PAPPA: variants seen among roughly 807,000 people sequenced by gnomAD.
PAPPA encodes pappalysin-1.
PAPPA carries 60 observed loss-of-function variants against 164.0 expected under a neutral mutation model. The ratio of observed to expected loss-of-function variants is 0.37; its 90% CI spans 0.30 to 0.45. The LOEUF (loss-of-function observed/expected upper bound fraction) is 0.45, where lower values mean the gene tolerates loss of function less well. PAPPA is among the 20% of genes least tolerant of loss of function. The pLI is 1.00. For missense variants in PAPPA, 1,782 were observed against 2,087.3 expected, an observed-to-expected ratio of 0.85 and a Z score of 2.85; for synonymous variants, 875 against 814.1, an observed-to-expected ratio of 1.07 and a Z score of -1.27.
At chr9:116,240,438 T>C (rs1279739047) in intron 7 of PAPPA, among the ~76,000 whole-genome samples, 1 of 152,226 alleles carries the variant, frequency 6.6e-6, no homozygotes, top group Non-Finnish European at 1.5e-5. Flanking sequence ...TAGATTTTTT[T>C]CCTGTTTTTC....
chr9:116,298,769 C>A (rs867017045), intron 9 of PAPPA, among the ~76,000 whole-genome samples: 1 of 152,128 alleles, frequency 6.6e-6, no homozygotes. Context: ...ATGTGTATGT[C>A]TGTGTATAAT....
At chr9:116,211,205 A>G (rs1256127342) in intron 3 of PAPPA, among the ~76,000 whole-genome samples, 1 of 152,222 alleles carries the variant, frequency 6.6e-6, no homozygotes, top group Non-Finnish European at 1.5e-5. Flanking sequence ...GGGAACCAGA[A>G]CCAAGATCTC....
At chr9:116,260,363 G>A (rs141387289) in intron 7 of PAPPA, among the ~76,000 whole-genome samples, 22 of 152,210 alleles carry the variant, frequency 1.4e-4, no homozygotes, top group African/African-American at 5.1e-4. Flanking sequence ...AATAATAATA[G>A]CATGTATAGT....
At chr9:116,211,589 C>T (rs753080013) in intron 3 of PAPPA, 50 bp from the exon 4 acceptor site, 1 of 1,550,362 alleles carries the variant, frequency 6.5e-7, no homozygotes, top group South Asian at 1.1e-5. Flanking sequence ...GTTCTTGCAC[C>T]AAGAAGCAGA....
intron 1 of PAPPA, among the ~76,000 whole-genome samples, chr9:116,172,455 T>C (rs2118592764): frequency 6.6e-6 from 1 of 152,298 alleles, no homozygotes; most frequent in Middle Eastern, 3.4e-3. Flanking sequence ...CTCTATGTAC[T>C]AGACACAGTA....
chr9:116,230,795 C>A (rs80794), intron 6 of PAPPA, among the ~76,000 whole-genome samples: 1 of 151,846 alleles, frequency 6.6e-6, no homozygotes, highest in Non-Finnish European at 1.5e-5. Context: ...AGATATTTGA[C>A]GCCATGTTTT....
intron 2 of PAPPA, among the ~76,000 whole-genome samples, chr9:116,206,061 A>G (rs767242847): frequency 1.3e-5 from 2 of 152,208 alleles, no homozygotes; most frequent in Non-Finnish European, 2.9e-5. Context: ...CCCTGACGAC[A>G]GAGCAGACTG....
chr9:116,293,137 A>G (rs930614813), intron 9 of PAPPA, among the ~76,000 whole-genome samples: 1 of 152,240 alleles, frequency 6.6e-6, no homozygotes, highest in Non-Finnish European at 1.5e-5. Context: ...GGTGAAGTGC[A>G]GGAGACAAAG....
chr9:116,250,095 T>C (rs1218149375), intron 7 of PAPPA, among the ~76,000 whole-genome samples: 5 of 151,854 alleles, frequency 3.3e-5, no homozygotes, highest in African/African-American at 1.2e-4. Flanking sequence ...CCTGTTTTCA[T>C]CATCTGCTGA....
chr9:116,295,567 A>AG (rs1164248074), intron 9 of PAPPA, among the ~76,000 whole-genome samples: 2 of 140,272 alleles, frequency 1.4e-5, no homozygotes, highest in African/African-American at 6.5e-5. Context: ...AAAAAAAAAA[A>AG]AAAGAAAAGA....
intron 10 of PAPPA, among the ~76,000 whole-genome samples, chr9:116,313,401 G>T (rs71505571): frequency 2.8e-4 from 43 of 152,216 alleles, no homozygotes; most frequent in Non-Finnish European, 5.1e-4. Flanking sequence ...GGCCCCTGGG[G>T]AAGTCACAGG....
At chr9:116,262,810 G>A (rs1845018614) in intron 7 of PAPPA, among the ~76,000 whole-genome samples, 2 of 152,166 alleles carry the variant, frequency 1.3e-5, no homozygotes, top group South Asian at 2.1e-4. Context: ...TGACAAAAAT[G>A]TCCTACTTTT....
chr9:116,328,305 A>G (rs951849041), intron 10 of PAPPA, among the ~76,000 whole-genome samples: 1 of 152,216 alleles, frequency 6.6e-6, no homozygotes, highest in Non-Finnish European at 1.5e-5. Flanking sequence ...GTGTAACACA[A>G]TCCACTGGCA....
At chr9:116,352,653 T>C in intron 15 of PAPPA, 53 bp from the exon 16 acceptor site, 5 of 1,409,204 alleles carry the variant, frequency 3.5e-6, no homozygotes, top group Non-Finnish European at 5.0e-6. Context: ...ATACATTAGC[T>C]TGGCTATCAG....
chr9:116,263,908 A>G (rs763108176), intron 7 of PAPPA, among the ~76,000 whole-genome samples: 2 of 152,204 alleles, frequency 1.3e-5, no homozygotes, highest in Non-Finnish European at 2.9e-5. Flanking sequence ...GAAAAACACA[A>G]TGTAGAGAAG....
chr9:116,250,186 C>T (rs1454756195), intron 7 of PAPPA, among the ~76,000 whole-genome samples: 1 of 152,078 alleles, frequency 6.6e-6, no homozygotes, highest in Non-Finnish European at 1.5e-5. Context: ...ATACCTATAA[C>T]GTTACAAGGC....
intron 1 of PAPPA, among the ~76,000 whole-genome samples, chr9:116,183,452 C>T (rs887910114): frequency 1.3e-5 from 2 of 152,106 alleles, no homozygotes; most frequent in Non-Finnish European, 2.9e-5. Context: ...TGACTTGTCC[C>T]AGGCAAGGTT....
In PAPPA at chr9:116,187,394, C is replaced by A. The variant is rs755715399; in HGVS notation, c.656C>A (p.Thr219Asn). 31 of 1,613,972 alleles carry A rather than the reference C, an allele frequency of 1.9e-5. No homozygotes were observed. The highest frequency in any genetic ancestry group is 2.5e-5 in the Non-Finnish European group (29 of 1,180,046). Reference sequence around the variant, plus strand: ...TATGTGAATGGTGCCCAGGTGGCCACCTCTGGGGAACAAGTGGGTGGCATA... The same window carrying A: ...TATGTGAATGGTGCCCAGGTGGCCAACTCTGGGGAACAAGTGGGTGGCATA... Reference protein sequence around the residue: ...KLYVNGAQVATSGEQVGGIFS... With the variant: ...KLYVNGAQVANSGEQVGGIFS... The change falls in exon 2 of 22, where the codon ACC (threonine) becomes AAC (asparagine). Residue 219 changes from threonine to asparagine, a missense_variant. Physicochemically the swap from Thr to Asn is moderately conservative, Grantham distance 65. Transcript: ENST00000328252. The surrounding 1 kb of genome is among the most constrained non-coding windows in gnomAD (Gnocchi z 4.2).
At chr9:116,220,567 G>A (rs1275166206) in intron 5 of PAPPA, among the ~76,000 whole-genome samples, 2 of 150,948 alleles carry the variant, frequency 1.3e-5, no homozygotes, top group Non-Finnish European at 2.9e-5. Flanking sequence ...TGTCACGTGT[G>A]TATATAAGTA....
Sources: gnomAD v4.1 joint callset for allele counts (sites outside exome capture counted in the v4.1 genomes callset) on GRCh38, gnomAD v4.1.1 for gene constraint, Gnocchi (gnomAD v3.1) non-coding constraint, MANE v1.5 for transcripts, NCBI Gene and HGNC (gene_info 2026-07-23, HGNC 2026-07-21) for gene names.